C11orf97: variants seen among roughly 807,000 people sequenced by gnomAD.
C11orf97 encodes the protein chromosome 11 open reading frame 97, also known as uncharacterized protein C11orf97.
Under a neutral mutation model 16.2 loss-of-function variants are expected in C11orf97, and 15 were observed. That is an observed-to-expected ratio of 0.93 (90% CI 0.62 to 1.43). C11orf97 has a LOEUF of 1.43. C11orf97 is among the 40% of genes most tolerant of loss of function. The pLI is 0.00. For missense variants in C11orf97, 171 were observed against 161.2 expected (o/e 1.06, Z -0.33); for synonymous variants, 61 against 65.7 (o/e 0.93, Z 0.34).
chr11:94,512,779 G>C (rs1330352553), intron 1 of C11orf97, 106 bp downstream of exon 1: 5 of 1,166,850 alleles, frequency 4.3e-6, no homozygotes, highest in Non-Finnish European at 4.3e-6. Context: ...AAGGTTTGGG[G>C]CAGGGGAGGT....
chr11:94,527,558 A>G (rs752546111), intron 2 of C11orf97, among the ~76,000 whole-genome samples: 2 of 152,200 alleles, frequency 1.3e-5, no homozygotes, highest in Non-Finnish European at 2.9e-5. Flanking sequence ...TTTTGCAATG[A>G]TTTTTAAAAT....
chr11:94,514,281 T>C (rs1030851860), intron 1 of C11orf97, among the ~76,000 whole-genome samples: 2 of 152,192 alleles, frequency 1.3e-5, no homozygotes, highest in Non-Finnish European at 2.9e-5. Flanking sequence ...AAAGAACTAA[T>C]GACTTAAGGC....
chr11:94,530,655 G>A (rs937436645), intron 3 of C11orf97, among the ~76,000 whole-genome samples: 5 of 152,180 alleles, frequency 3.3e-5, no homozygotes, highest in African/African-American at 1.2e-4. Context: ...ATGAATGAAT[G>A]AACCAGTAAG....
At chr11:94,520,440 C>T (rs887959118) in intron 2 of C11orf97, among the ~76,000 whole-genome samples, 11 of 152,172 alleles carry the variant, frequency 7.2e-5, no homozygotes, top group Admixed American at 7.2e-4. Context: ...ACCCTCACAC[C>T]GTGGGATATC....
In C11orf97 at chr11:94,517,346, G is replaced by A. The variant is rs142171789; in HGVS notation, c.146-237G>A. ...ATCTATTTCTTCATAACACCTAAAA[G>A]AGGTACCTGAAACTTACCCTGCAAG... On this transcript the variant is annotated intron_variant, in intron 1 of 3. Coordinates refer to ENST00000542198, the MANE Select transcript of C11orf97 (RefSeq NM_001190462.2). Among the ~76,000 whole-genome samples the A allele has an allele frequency of 5.1e-3, 784 of 152,262 alleles. 10 individuals are homozygous for A. The highest frequency in any genetic ancestry group is 6.8e-3 in the Middle Eastern group (2 of 294).
At chr11:94,528,008 T>A in intron 2 of C11orf97, 76 bp from the exon 3 acceptor site, 1 of 1,373,558 alleles carries the variant, frequency 7.3e-7, no homozygotes, top group Admixed American at 2.9e-5. Context: ...AAATCACCAA[T>A]TAAATACTTT....
intron 1 of C11orf97, among the ~76,000 whole-genome samples, chr11:94,516,224 A>T (rs1947610500): frequency 6.6e-6 from 1 of 152,006 alleles, no homozygotes; most frequent in Non-Finnish European, 1.5e-5. Context: ...CGTCAAATTG[A>T]CTCACTTGTG....
intron 1 of C11orf97, among the ~76,000 whole-genome samples, chr11:94,517,280 C>T (rs629119): frequency 0.58 from 88,111 of 152,042 alleles, 25,843 homozygotes; most frequent in African/African-American, 0.63. Flanking sequence ...GTTCATTCAA[C>T]AAACGAGTGC....
intron 2 of C11orf97, among the ~76,000 whole-genome samples, chr11:94,519,673 C>T (rs531909373): frequency 1.6e-4 from 24 of 152,324 alleles, no homozygotes; most frequent in Non-Finnish European, 3.4e-4. Flanking sequence ...AAAATAACAT[C>T]CACTAGAGGT....
At chr11:94,513,910 C>T (rs1014902657) in intron 1 of C11orf97, among the ~76,000 whole-genome samples, 1 of 152,198 alleles carries the variant, frequency 6.6e-6, no homozygotes, top group South Asian at 2.1e-4. Context: ...TGGGTTCAAG[C>T]AATTCTCATG....
chr11:94,516,939 C>G (rs1206320876), intron 1 of C11orf97, among the ~76,000 whole-genome samples: 1 of 152,140 alleles, frequency 6.6e-6, no homozygotes, highest in Non-Finnish European at 1.5e-5. Flanking sequence ...GCACAGAGCT[C>G]TTTTGTTTCT....
chr11:94,530,324 G>A (rs1947728964), intron 3 of C11orf97, among the ~76,000 whole-genome samples: 1 of 152,100 alleles, frequency 6.6e-6, no homozygotes, highest in African/African-American at 2.4e-5. Context: ...CATCTCTTTA[G>A]GTTGCCAGCT....
intron 2 of C11orf97, among the ~76,000 whole-genome samples, chr11:94,524,672 C>T (rs1015740998): frequency 4.0e-5 from 6 of 150,048 alleles, no homozygotes; most frequent in Admixed American, 2.7e-4. Context: ...ATAGAACTTT[C>T]TGGATAAGGA....
chr11:94,514,959 G>T (rs1947600480), intron 1 of C11orf97, among the ~76,000 whole-genome samples: 1 of 151,888 alleles, frequency 6.6e-6, no homozygotes, highest in South Asian at 2.1e-4. Context: ...TCACCTTTAG[G>T]ATCACTTGTA....
intron 2 of C11orf97, among the ~76,000 whole-genome samples, 188 bp from the exon 3 acceptor site, chr11:94,527,896 A>G (rs1947711428): frequency 1.3e-5 from 2 of 152,266 alleles, no homozygotes; most frequent in African/African-American, 4.8e-5. Flanking sequence ...TTGCATAGAG[A>G]ATAGTTGAAT....
At chr11:94,525,879 T>C (rs1460251012) in intron 2 of C11orf97, among the ~76,000 whole-genome samples, 1 of 152,212 alleles carries the variant, frequency 6.6e-6, no homozygotes, top group Non-Finnish European at 1.5e-5. Context: ...GGCTAAAATT[T>C]TGGGCATAAA....
intron 1 of C11orf97, among the ~76,000 whole-genome samples, chr11:94,513,000 T>C (rs1947582043): frequency 6.6e-6 from 1 of 152,200 alleles, no homozygotes; most frequent in Non-Finnish European, 1.5e-5. Flanking sequence ...TACACATTTG[T>C]ATATGTATAT....
intron 1 of C11orf97, among the ~76,000 whole-genome samples, chr11:94,512,932 C>A (rs1343258692): frequency 6.9e-6 from 1 of 144,274 alleles, no homozygotes; most frequent in Non-Finnish European, 1.5e-5. Context: ...TGGCGTTATT[C>A]TGAAAGGAAT....
At chr11:94,528,005 C>A (rs1252392396) in intron 2 of C11orf97, 79 bp from the exon 3 acceptor site, 14 of 1,330,452 alleles carry the variant, frequency 1.1e-5, no homozygotes, top group South Asian at 6.5e-5. Context: ...AAAAAATCAC[C>A]AATTAAATAC....
Sources: allele counts gnomAD v4.1 joint callset (sites outside exome capture counted in the v4.1 genomes callset), GRCh38; gene constraint gnomAD v4.1.1; transcripts MANE v1.5; gene names NCBI Gene and HGNC (gene_info 2026-07-23, HGNC 2026-07-21).